The following PCDHA7 variants were observed in gnomAD, a reference collection of about 807,000 sequenced individuals.
PCDHA7 encodes protocadherin alpha 7.
Under a neutral mutation model 57.2 loss-of-function variants are expected in PCDHA7, and 37 were observed. The ratio of observed to expected loss-of-function variants is 0.65; its 90% CI spans 0.50 to 0.85. PCDHA7 has a LOEUF of 0.85. PCDHA7 is among the 40% of genes least tolerant of loss of function. PCDHA7 has a pLI of 0.00. For synonymous variants in PCDHA7, 553 were observed against 558.8 expected, an observed-to-expected ratio of 0.99 and a Z score of 0.15; for missense variants, 1,188 against 1,241.8, an observed-to-expected ratio of 0.96 and a Z score of 0.65.
chr5:140,883,319 A>C, intron 1 of PCDHA7: 1 of 1,614,126 alleles, frequency 6.2e-7, no homozygotes, highest in Non-Finnish European at 8.5e-7. Context: ...CCCAGAGGTT[A>C]CCATCACTTC....
chr5:140,923,242 C>T (rs1302368115), intron 1 of PCDHA7, among the ~76,000 whole-genome samples: 1 of 151,762 alleles, frequency 6.6e-6, no homozygotes, highest in Non-Finnish European at 1.5e-5. Flanking sequence ...AAGTTTGAGA[C>T]CAGCTGGGCA....
intron 3 of PCDHA7, among the ~76,000 whole-genome samples, chr5:140,985,542 C>T (rs2097157092): frequency 6.6e-6 from 1 of 152,106 alleles, no homozygotes; most frequent in African/African-American, 2.4e-5. Context: ...GGTGAAGATG[C>T]AGTTGCTTCC....
At chr5:140,893,881 C>T (rs1385683702) in intron 1 of PCDHA7, among the ~76,000 whole-genome samples, 1 of 152,066 alleles carries the variant, frequency 6.6e-6, no homozygotes, top group Non-Finnish European at 1.5e-5. Flanking sequence ...TCCAAAGTGG[C>T]CAGAAAGTTA....
chr5:140,891,235 G>T (rs186707439), intron 1 of PCDHA7, among the ~76,000 whole-genome samples: 48 of 152,092 alleles, frequency 3.2e-4, no homozygotes, highest in African/African-American at 1.1e-3. Flanking sequence ...TCCTGTTCTG[G>T]ATTCAGTAGG....
intron 1 of PCDHA7, among the ~76,000 whole-genome samples, chr5:140,922,848 C>A (rs1345344826): frequency 6.6e-6 from 1 of 151,962 alleles, no homozygotes; most frequent in Non-Finnish European, 1.5e-5. Context: ...TCAAAGAGAC[C>A]AAATACATAG....
rs2150500536 is a variant in PCDHA7, at chr5:140,850,854, G to C, written c.2355+14116G>C. On this transcript the variant is annotated intron_variant, in intron 1 of 3. Transcript: ENST00000525929. ...TTGTGCTGGATCTACAGAGCGAACG[G>C]GAGAACCCTCTGCTTCCTCAGATTC... 60 of 1,595,366 alleles carry C rather than the reference G, an allele frequency of 3.8e-5. 3 individuals carry two copies. In the South Asian group the frequency reaches 6.2e-4, roughly 16 times the overall value.
At chr5:140,885,577 A>G (rs1554182197) in intron 1 of PCDHA7, among the ~76,000 whole-genome samples, 1 of 152,172 alleles carries the variant, frequency 6.6e-6, no homozygotes, top group African/African-American at 2.4e-5. Context: ...TCAGATGTGG[A>G]ATTGATGCAT....
At chr5:140,894,035 T>C (rs1554185902) in intron 1 of PCDHA7, among the ~76,000 whole-genome samples, 1 of 152,220 alleles carries the variant, frequency 6.6e-6, no homozygotes, top group Non-Finnish European at 1.5e-5. Context: ...ATACTGGTAA[T>C]GTAAGTCCTC....
intron 1 of PCDHA7, chr5:140,861,365 G>T (rs2046879866): frequency 2.8e-6 from 1 of 359,244 alleles, no homozygotes; most frequent in Non-Finnish European, 5.7e-6. Context: ...GCGTCTTCGC[G>T]GTCCCTATTG....
chr5:140,894,987 T>A lies in PCDHA7; in HGVS notation c.2355+58249T>A, dbSNP rs564159529. On this transcript the variant is annotated intron_variant, in intron 1 of 3. Transcript: ENST00000525929. ...TTTTTTAATGTCTTACTTTGTGACA[T>A]CCTTTACCCTTTTTACTTGGACCTT... 3.3e-5 allele frequency among the ~76,000 whole-genome samples: 5 copies of A among 152,318 alleles called. No individual in the cohort carries two copies. In the East Asian group the frequency reaches 9.6e-4, roughly 29 times the overall value.
intron 1 of PCDHA7, chr5:140,928,426 TC>T (rs781827449): frequency 1.9e-6 from 3 of 1,614,134 alleles, no homozygotes; most frequent in South Asian, 2.2e-5. Context: ...TGCCAAAACT[TC>T]CTTTGACTTT....
intron 1 of PCDHA7, among the ~76,000 whole-genome samples, chr5:140,922,507 C>G (rs2080870221): frequency 1.3e-5 from 2 of 152,154 alleles, no homozygotes; most frequent in Non-Finnish European, 2.9e-5. Flanking sequence ...AGCAGATGCA[C>G]CATTATTTCA....
chr5:140,862,988 C>A (rs1554157382), intron 1 of PCDHA7: 6 of 546,930 alleles, frequency 1.1e-5, no homozygotes, highest in Non-Finnish European at 2.2e-5. Context: ...GGCGAAGGTG[C>A]GCACGGTGGA....
At chr5:140,877,853 AT>A in intron 1 of PCDHA7, 2 of 1,535,524 alleles carry the variant, frequency 1.3e-6, no homozygotes, top group Non-Finnish European at 1.7e-6. Context: ...AGTTATTAAT[AT>A]TATTTAGATA....
Position 141,009,639 on chromosome 5 carries a change from G to A in PCDHA7, c.2516G>A (p.Gly839Glu). The stretch of plus-strand genomic sequence containing the variant: ...TTTTGTCTTTCAGAACCAGAGGCAG[G>A]AGAAGTGTCCCCTCCAGTCGGTGCG... ...VSSATPEPEA[G>E]EVSPPVGAGV... The change falls in exon 4 of 4, where the codon GGA becomes GAA. Residue 839 changes from glycine to glutamate, a missense_variant. Transcript: ENST00000525929. The A allele has an allele frequency of 6.2e-7, 1 of 1,613,406 alleles. No individual in the cohort carries two copies. The highest frequency in any genetic ancestry group is 8.5e-7 in the Non-Finnish European group (1 of 1,179,594).
At chr5:140,962,546 G>A (rs2095690873) in intron 1 of PCDHA7, among the ~76,000 whole-genome samples, 7 of 152,094 alleles carry the variant, frequency 4.6e-5, no homozygotes, top group Admixed American at 4.6e-4. Flanking sequence ...TAAAAATGTA[G>A]AGGATCTCCC....
In PCDHA7 at chr5:140,836,629, C is replaced by CGA; in HGVS notation, c.2246_2247insGA (p.Phe750AsnfsTer51). ...TGCTCCAGCGCGGTGGGGAGCTGGT[C>CGA]ATTCTCCCAGCAGAGGCGGCAGAGG... On this transcript the variant is annotated frameshift_variant, in exon 1 of 4. Transcript: ENST00000525929. LOFTEE classifies it high-confidence loss of function. The CGA allele has an allele frequency of 4.3e-6, 7 of 1,613,468 alleles. No homozygotes were observed. Among genetic ancestry groups the CGA allele is most frequent in the Non-Finnish European group, 5.9e-6 (7 of 1,179,626 alleles).
At chr5:141,005,302 G>T (rs940194498) in intron 3 of PCDHA7, among the ~76,000 whole-genome samples, 1 of 152,160 alleles carries the variant, frequency 6.6e-6, no homozygotes, top group Non-Finnish European at 1.5e-5. Context: ...TTGCCTTTGT[G>T]AATCTTACAG....
rs1554149344 is a variant in PCDHA7, at chr5:140,856,961, G to C, written c.2355+20223G>C. 5.0e-6 allele frequency: 8 copies of C among 1,590,776 alleles called. 2 individuals carry two copies. The highest frequency in any genetic ancestry group is 3.4e-5 in the Admixed American group (2 of 59,226). ...AAGGACGGGAGAAATAAAAGTAAATGATGCTATTGACTTTGAGGACAGTAA... is the reference window on the plus strand; with the variant it reads ...AAGGACGGGAGAAATAAAAGTAAATCATGCTATTGACTTTGAGGACAGTAA... On this transcript the variant is annotated intron_variant, in intron 1 of 3. Transcript: ENST00000525929.
Sources: allele counts gnomAD v4.1 joint callset (sites outside exome capture counted in the v4.1 genomes callset), GRCh38; gene constraint gnomAD v4.1.1; transcripts MANE v1.5; gene names NCBI Gene and HGNC (gene_info 2026-07-23, HGNC 2026-07-21).